The following C2CD5 variants were observed in gnomAD, a reference collection of about 807,000 sequenced individuals.
The protein encoded by C2CD5 is C2 domain-containing protein 5.
Under a neutral mutation model 130.3 loss-of-function variants are expected in C2CD5, and 109 were observed. The observed-to-expected ratio is 0.84, with a 90% CI of 0.72 to 0.98. The LOEUF (loss-of-function observed/expected upper bound fraction) is 0.98. Among genes scored for constraint, C2CD5 ranks in the 50% least tolerant of loss-of-function variants. C2CD5 has a pLI of 0.00. For missense variants in C2CD5, 996 were observed against 1,261.8 expected, an observed-to-expected ratio of 0.79 and a Z score of 3.19; for synonymous variants, 454 against 429.2, an observed-to-expected ratio of 1.06 and a Z score of -0.71.
At chr12:22,485,749 A>G (rs1179772854) in intron 12 of C2CD5, among the ~76,000 whole-genome samples, 2 of 152,128 alleles carry the variant, frequency 1.3e-5, no homozygotes, top group African/African-American at 4.8e-5. Flanking sequence ...TTTTTAACTA[A>G]ACAGCTCACA....
intron 2 of C2CD5, among the ~76,000 whole-genome samples, chr12:22,539,276 G>A (rs1015849342): frequency 1.3e-5 from 2 of 152,006 alleles, no homozygotes; most frequent in African/African-American, 2.4e-5. Context: ...TCTGACAATT[G>A]AGCTTCCTTC....
chr12:22,469,757 C>G lies in C2CD5; in HGVS notation c.2485G>C (p.Glu829Gln). Residue 829 changes from glutamate (E) to glutamine (Q), a missense_variant, in exon 22 of 27, where the codon GAA (glutamate) becomes CAA (glutamine). Transcript: ENST00000446597. ...DNEELLQFPL[E>Q]LCSDSLPSHP... The stretch of plus-strand genomic sequence containing the variant: ...GAAGGAAGTGAATCTGAACACAGTT[C>G]CAGTGGAAATTGTAAAAGTTCTTCA... The G allele has an allele frequency of 6.2e-7, 1 of 1,604,896 alleles. No homozygotes were observed. The highest frequency in any genetic ancestry group is 8.5e-7 in the Non-Finnish European group (1 of 1,175,678).
At chr12:22,457,838 G>C (rs1940256225) in intron 24 of C2CD5, among the ~76,000 whole-genome samples, 2 of 152,136 alleles carry the variant, frequency 1.3e-5, no homozygotes, top group Admixed American at 6.5e-5. Flanking sequence ...TGGAAGGTTA[G>C]AGAAGTTAAG....
intron 24 of C2CD5, among the ~76,000 whole-genome samples, chr12:22,457,754 T>C (rs1940235641): frequency 3.3e-5 from 5 of 152,058 alleles, no homozygotes; most frequent in Admixed American, 3.3e-4. Context: ...CAGACATATA[T>C]ATATATATCT....
At chr12:22,497,610 G>A (rs1270136226) in intron 10 of C2CD5, 1 of 972,554 alleles carries the variant, frequency 1.0e-6, no homozygotes. Flanking sequence ...CTAACCTCTT[G>A]AAGAAGATAA....
chr12:22,473,744 G>A (rs1943403910), intron 16 of C2CD5, among the ~76,000 whole-genome samples: 1 of 152,072 alleles, frequency 6.6e-6, no homozygotes, highest in African/African-American at 2.4e-5. Context: ...TGAGGTAGGG[G>A]CCCAAGAATT....
intron 22 of C2CD5, among the ~76,000 whole-genome samples, chr12:22,464,342 C>T (rs1423435169): frequency 6.6e-6 from 1 of 152,156 alleles, no homozygotes; most frequent in African/African-American, 2.4e-5. Flanking sequence ...TTTCCTGCTT[C>T]CATTTCCAAG....
At chr12:22,497,944 T>A (rs1947264523) in intron 10 of C2CD5, among the ~76,000 whole-genome samples, 1 of 126,120 alleles carries the variant, frequency 7.9e-6, no homozygotes, top group South Asian at 2.7e-4. Flanking sequence ...ACACACACAA[T>A]GTAACTGGAT....
intron 22 of C2CD5, chr12:22,463,342 G>C (rs975842765): frequency 2.0e-5 from 3 of 151,808 alleles, no homozygotes; most frequent in Non-Finnish European, 4.4e-5. Context: ...AGTGACCCAA[G>C]ATCGTGCCTC....
chr12:22,530,139 C>CAG (rs1422150787), intron 3 of C2CD5, among the ~76,000 whole-genome samples: 8 of 124,542 alleles, frequency 6.4e-5, no homozygotes, highest in African/African-American at 2.2e-4. Context: ...CACACACACA[C>CAG]AGTGTATATA....
At chr12:22,534,111 C>T (rs1375683111) in intron 3 of C2CD5, among the ~76,000 whole-genome samples, 6 of 152,136 alleles carry the variant, frequency 3.9e-5, no homozygotes, top group Admixed American at 2.0e-4. Flanking sequence ...TCGCTTGAAC[C>T]CAGCAGGCGG....
At chr12:22,527,976 A>G (rs1950879614) in intron 3 of C2CD5, 84 bp from the exon 4 acceptor site, 7 of 688,124 alleles carry the variant, frequency 1.0e-5, no homozygotes, top group Non-Finnish European at 1.6e-5. Flanking sequence ...AATGAAAAGG[A>G]TGACACATCT....
At chr12:22,491,419 A>G (rs146689916) in intron 11 of C2CD5, among the ~76,000 whole-genome samples, 93 of 151,940 alleles carry the variant, frequency 6.1e-4, no homozygotes, top group African/African-American at 2.1e-3. Context: ...CCAAAATCCA[A>G]CTCAAGCATC....
At chr12:22,519,720 C>T (rs1233106240) in intron 7 of C2CD5, among the ~76,000 whole-genome samples, 1 of 152,018 alleles carries the variant, frequency 6.6e-6, no homozygotes, top group Non-Finnish European at 1.5e-5. Context: ...AGTTAAATAA[C>T]TGTCTAGGCT....
intron 10 of C2CD5, among the ~76,000 whole-genome samples, chr12:22,506,052 T>C (rs1948490241): frequency 1.3e-5 from 2 of 149,826 alleles, no homozygotes; most frequent in Non-Finnish European, 3.0e-5. Flanking sequence ...TCCCAGTGTG[T>C]TCAAGTTACA....
Position 22,523,478 on chromosome 12 carries a change from T to A in C2CD5, c.748A>T (p.Ser250Cys), listed in dbSNP as rs762565989. The A allele has an allele frequency of 1.2e-5, 19 of 1,614,020 alleles. No homozygotes were observed. In the Admixed American group the frequency reaches 2.7e-4, roughly 23 times the overall value. Residue 250 changes from serine to cysteine, a missense_variant, in exon 7 of 27, where the codon AGC becomes TGC. By Grantham distance (112) the Ser-to-Cys change is moderately radical. Around this residue, in one of 9 missense-constraint regions of C2CD5, gnomAD observed 156 missense variants for 165.9 expected, o/e 0.94. Coordinates refer to ENST00000446597, the MANE Select transcript of C2CD5 (RefSeq NM_001286176.2). ...CATGCAGGAAGGAATGCTGCTGGGC[T>A]ACTTAATTTATCCAGAGTACACGCC... ...GTACTLDKLS[S>C]PAAFLPACNS...
In C2CD5 at chr12:22,544,103, T is replaced by C. The variant is rs780937787; in HGVS notation, c.48A>G (p.Pro16=). The change falls in exon 2 of 27, where the codon CCA becomes CCG. Residue 16 remains proline (P), a synonymous_variant. Transcript: ENST00000446597. ...TCAGGTCACTAGCACGGTCCATCAC[T>C]GGCAAATGGCGCCCGGCCACGATTT... ...KVKIVAGRHL[P]VMDRASDLTD... The C allele has an allele frequency of 2.5e-6, 4 of 1,613,792 alleles. No homozygotes were observed. The highest frequency in any genetic ancestry group is 2.2e-5 in the East Asian group (1 of 44,854).
In C2CD5 at chr12:22,518,063, TAA is replaced by T. The variant is rs1193032004; in HGVS notation, c.873_874del (p.Tyr292PhefsTer16). ...GTAGGACTTGGAAGGTGAAAAGGAATAAGTTTGGTTTTTCAGAGGGGTTGAGG... is the reference window on the plus strand; with the variant it reads ...GTAGGACTTGGAAGGTGAAAAGGAATGTTTGGTTTTTCAGAGGGGTTGAGG... On this transcript the variant is annotated frameshift_variant, in exon 8 of 27. Transcript: ENST00000446597. LOFTEE classifies it high-confidence loss of function. 3.7e-6 allele frequency: 6 copies of T among 1,613,754 alleles called. No homozygotes were observed. The highest frequency in any genetic ancestry group is 5.1e-6 in the Non-Finnish European group (6 of 1,179,678).
chr12:22,468,070 CTTT>C (rs78542498), intron 22 of C2CD5, among the ~76,000 whole-genome samples: 11 of 120,656 alleles, frequency 9.1e-5, no homozygotes, highest in South Asian at 2.7e-4. Context: ...GGTTTTAGGG[CTTT>C]TTTTTTTTTT....
Sources: allele counts gnomAD v4.1 joint callset (sites outside exome capture counted in the v4.1 genomes callset), GRCh38; gene constraint gnomAD v4.1.1; regional missense constraint gnomAD v4.1.1; transcripts MANE v1.5; gene names NCBI Gene and HGNC (gene_info 2026-07-23, HGNC 2026-07-21).